The following FAM171B variants were observed in gnomAD, a reference collection of about 807,000 sequenced individuals.
FAM171B encodes the protein family with sequence similarity 171 member B, also known as protein FAM171B.
Under a neutral mutation model 75.6 loss-of-function variants are expected in FAM171B, and 19 were observed. That is an observed-to-expected ratio of 0.25 (90% CI 0.18 to 0.37). The LOEUF is 0.37. FAM171B is among the 10% of genes least tolerant of loss of function. The pLI is 1.00. For missense variants in FAM171B, 848 were observed against 982.4 expected (o/e 0.86, Z 1.83); for synonymous variants, 367 against 361.7 (o/e 1.01, Z -0.17).
chr2:186,702,999 T>C (rs570199976), intron 1 of FAM171B, among the ~76,000 whole-genome samples: 2 of 152,140 alleles, frequency 1.3e-5, no homozygotes, highest in South Asian at 4.2e-4. Flanking sequence ...TAATCACTTC[T>C]TGTTCAGTTT....
chr2:186,700,327 T>C (rs960657706), intron 1 of FAM171B, among the ~76,000 whole-genome samples: 2 of 152,034 alleles, frequency 1.3e-5, no homozygotes, highest in East Asian at 3.9e-4. Flanking sequence ...CAAAAAGATA[T>C]ACCCATATAA....
chr2:186,763,661 A>C lies in FAM171B; in HGVS notation c.*838A>C, dbSNP rs913177242. Reference sequence around the variant, plus strand: ...AGGCTCACTGATACTTTTAGGCTAAATTGGTTTTAATATATTTCTTCTATT... The same window carrying C: ...AGGCTCACTGATACTTTTAGGCTAACTTGGTTTTAATATATTTCTTCTATT... On this transcript the variant is annotated 3_prime_UTR_variant, in exon 8 of 8. Transcript: ENST00000304698. 6.6e-6 allele frequency: 1 copy of C among 152,072 alleles called. No individual in the cohort carries two copies. Among genetic ancestry groups the C allele is most frequent in the Admixed American group, 6.6e-5 (1 of 15,246 alleles). The allele number at this position is 152,072 out of a possible 1,614,324, so 9.4% of individuals were successfully genotyped here.
chr2:186,729,474 T>A lies in FAM171B; in HGVS notation c.239-10754T>A, dbSNP rs534218771. Among the ~76,000 whole-genome samples, 3 of 152,204 alleles carry A rather than the reference T, an allele frequency of 2.0e-5. No homozygotes were observed. In the East Asian group the frequency reaches 5.8e-4, roughly 29 times the overall value. On this transcript the variant is annotated intron_variant, in intron 1 of 7. Coordinates refer to ENST00000304698, the MANE Select transcript of FAM171B (RefSeq NM_177454.4). ...GAGGAGAGAACTGGTAGAGGATTATTAGGGATATATATTGCTTCTGGCTGA... is the reference window on the plus strand; with the variant it reads ...GAGGAGAGAACTGGTAGAGGATTATAAGGGATATATATTGCTTCTGGCTGA...
chr2:186,700,016 G>T (rs1373183171), intron 1 of FAM171B, among the ~76,000 whole-genome samples: 3 of 151,140 alleles, frequency 2.0e-5, no homozygotes, highest in African/African-American at 7.3e-5. Context: ...ATGCTGTTTT[G>T]GTTACTATGG....
rs1379187384 is a variant in FAM171B, at chr2:186,762,157, C to T, written c.1815C>T (p.Ile605=). 6.2e-7 allele frequency: 1 copy of T among 1,613,518 alleles called. No individual in the cohort carries two copies. The highest frequency in any genetic ancestry group is 8.5e-7 in the Non-Finnish European group (1 of 1,179,766). Residue 605 remains isoleucine (I), a synonymous_variant, in exon 8 of 8, where the codon ATC becomes ATT. Transcript: ENST00000304698. The surrounding 1 kb of genome is among the most constrained non-coding windows in gnomAD (Gnocchi z 4.0). ...CCCCAGATGCCAGGGAAGAGGATAT[C>T]ATACTTGAAGGTCAACAGAGCCTGC... The part of the protein sequence containing the change: ...AQPPDAREED[I]ILEGQQSLPS...
chr2:186,762,453 G>A lies in FAM171B; in HGVS notation c.2111G>A (p.Ser704Asn). Residue 704 changes from serine (S) to asparagine (N), a missense_variant, in exon 8 of 8, where the codon AGT becomes AAT. This residue lies in a region of FAM171B where 136 missense variants were observed against 159.3 expected (regional missense o/e 0.85). Transcript: ENST00000304698. The surrounding 1 kb of genome is among the most constrained non-coding windows in gnomAD (Gnocchi z 4.0). ...KGKRTQSNDT[S>N]LDSGVDMNEL... ...AAGAGAACCCAGAGCAATGACACCA[G>A]TCTGGACTCTGGGGTGGACATGAAT... 6 of 1,613,630 alleles carry A rather than the reference G, an allele frequency of 3.7e-6. No individual in the cohort carries two copies. Among genetic ancestry groups the A allele is most frequent in the Non-Finnish European group, 5.1e-6 (6 of 1,179,788 alleles).
chr2:186,714,537 T>C (rs1228615525), intron 1 of FAM171B, among the ~76,000 whole-genome samples: 1 of 152,184 alleles, frequency 6.6e-6, no homozygotes, highest in Non-Finnish European at 1.5e-5. Context: ...TTACTAAAAA[T>C]TCCTAGTCAT....
At chr2:186,751,671 C>T (rs529205867) in intron 5 of FAM171B, among the ~76,000 whole-genome samples, 1 of 152,074 alleles carries the variant, frequency 6.6e-6, no homozygotes, top group African/African-American at 2.4e-5. Context: ...ATGCTAGTTT[C>T]ATGAAAATAA....
chr2:186,740,290 G>T lies in FAM171B; in HGVS notation c.301G>T (p.Ala101Ser). The T allele has an allele frequency of 6.2e-7, 1 of 1,614,048 alleles. No individual in the cohort carries two copies. Among genetic ancestry groups the T allele is most frequent in the Non-Finnish European group, 8.5e-7 (1 of 1,179,932 alleles). Residue 101 changes from alanine to serine, a missense_variant, in exon 2 of 8, where the codon GCA becomes TCA. By Grantham distance (99) the Ala-to-Ser change is moderately conservative (BLOSUM62 1). Transcript: ENST00000304698. ...CATCAGTCGTCAGTACCTGAGCCAA[G>T]CAGTTGTAGAAGTGTTTGTAAACTA... ...DIISRQYLSQ[A>S]VVEVFVNYTK...
At chr2:186,707,146 G>A (rs980260244) in intron 1 of FAM171B, among the ~76,000 whole-genome samples, 2 of 151,962 alleles carry the variant, frequency 1.3e-5, no homozygotes, top group South Asian at 2.1e-4. Context: ...TATATCACAG[G>A]TATCACAGTT....
chr2:186,704,333 A>G (rs1263659060), intron 1 of FAM171B, among the ~76,000 whole-genome samples: 1 of 152,112 alleles, frequency 6.6e-6, no homozygotes, highest in Non-Finnish European at 1.5e-5. Context: ...ATATGTAATA[A>G]TTTTTTTAAA....
chr2:186,760,898 A>T (rs1181738386), intron 6 of FAM171B, among the ~76,000 whole-genome samples: 1 of 152,198 alleles, frequency 6.6e-6, no homozygotes, highest in East Asian at 1.9e-4. Context: ...ATGCAAACTC[A>T]TTTAATATGC....
intron 1 of FAM171B, among the ~76,000 whole-genome samples, chr2:186,699,146 C>T (rs1689621165): frequency 1.3e-5 from 2 of 152,124 alleles, no homozygotes; most frequent in Admixed American, 6.5e-5. Flanking sequence ...ATATACCTAA[C>T]AGCTGTATTG....
chr2:186,738,275 T>C (rs1024536450), intron 1 of FAM171B, among the ~76,000 whole-genome samples: 1 of 152,026 alleles, frequency 6.6e-6, no homozygotes, highest in African/African-American at 2.4e-5. Context: ...CGCAGTTTGG[T>C]GAGTTCCAGG....
In FAM171B at chr2:186,743,508, G is replaced by C. The variant is rs767436066; in HGVS notation, c.498G>C (p.Leu166=). Residue 166 remains leucine (L), a synonymous_variant, in exon 3 of 8, where the codon CTG becomes CTC. Transcript: ENST00000304698. ...TATATTCATCAGTTACACTTTCACTGTTCCCGCAAAGCCAAGCAAATATAT... is the reference window on the plus strand; with the variant it reads ...TATATTCATCAGTTACACTTTCACTCTTCCCGCAAAGCCAAGCAAATATAT... The part of the protein sequence containing the change: ...MPIYSSVTLS[L]FPQSQANIWL... 1.2e-6 allele frequency: 2 copies of C among 1,612,284 alleles called. No individual in the cohort carries two copies.
chr2:186,736,778 A>G (rs896424083), intron 1 of FAM171B, among the ~76,000 whole-genome samples: 1 of 151,452 alleles, frequency 6.6e-6, no homozygotes, highest in Non-Finnish European at 1.5e-5. Context: ...GGTCCAGTTT[A>G]ACAAAGAACG....
chr2:186,697,203 T>TTTCA (rs1214602966), intron 1 of FAM171B, among the ~76,000 whole-genome samples: 1 of 152,210 alleles, frequency 6.6e-6, no homozygotes, highest in African/African-American at 2.4e-5. Flanking sequence ...TTTTAGTTAA[T>TTTCA]TTCAGTGTTT....
rs771014656 is a variant in FAM171B at position 186,761,805 on chromosome 2, A to G, written c.1463A>G (p.Asn488Ser). 15 of 1,613,256 alleles carry G rather than the reference A, an allele frequency of 9.3e-6. No individual in the cohort carries two copies. The highest frequency in any genetic ancestry group is 4.4e-5 in the South Asian group (4 of 91,078). Residue 488 changes from asparagine (N) to serine (S), a missense_variant, in exon 8 of 8, where the codon AAT becomes AGT. Transcript: ENST00000304698. ...SRNPTQSLEP[N>S]VGSKQPKHIN... ...AACCCAACACAGTCTTTGGAGCCCA[A>G]TGTAGGGTCCAAACAACCTAAACAT...
At chr2:186,720,525 C>T (rs191675225) in intron 1 of FAM171B, among the ~76,000 whole-genome samples, 1 of 152,120 alleles carries the variant, frequency 6.6e-6, no homozygotes, top group East Asian at 1.9e-4. Context: ...CAAATGTAGA[C>T]ACAAGTAATC....
Sources: gnomAD v4.1 joint callset for allele counts (sites outside exome capture counted in the v4.1 genomes callset) on GRCh38, gnomAD v4.1.1 for gene constraint, gnomAD v4.1.1 regional missense constraint, Gnocchi (gnomAD v3.1) non-coding constraint, MANE v1.5 for transcripts, NCBI Gene and HGNC (gene_info 2026-07-23, HGNC 2026-07-21) for gene names.